CRK: variants seen among roughly 807,000 people sequenced by gnomAD.
CRK encodes the protein adapter molecule crk.
A neutral mutation model predicts 29.8 loss-of-function variants in CRK; 4 were observed. The ratio of observed to expected loss-of-function variants is 0.13; its 90% CI spans 0.07 to 0.31. The LOEUF is 0.31. CRK is among the 10% of genes least tolerant of loss of function. The pLI is 1.00. For missense variants in CRK, 274 were observed against 396.5 expected (o/e 0.69, Z 2.62); for synonymous variants, 153 against 164.9 (o/e 0.93, Z 0.55).
intron 1 of CRK, among the ~76,000 whole-genome samples, chr17:1,442,606 C>CT (rs33970272): frequency 0.01 from 1,224 of 121,100 alleles, 67 homozygotes; most frequent in East Asian, 0.049. Flanking sequence ...GTGAAAGGGT[C>CT]TTTTTTTTTT....
At position 1,428,295 on chromosome 17, in the gene CRK, T is replaced by C. The variant is rs142863272; in HGVS notation, c.778-4645A>G. ...CACCACGCCCAGCTGATTTTTGTAT[T>C]TTTAGTAGAGATGGGGTTTCACCAT... is the stretch of plus-strand genomic sequence containing the variant. On this transcript the variant is annotated intron_variant, in intron 2 of 2. Coordinates refer to ENST00000300574, the MANE Select transcript of CRK (RefSeq NM_016823.4). 2.7e-5 allele frequency among the ~76,000 whole-genome samples: 4 copies of C among 150,638 alleles called. No homozygotes were observed. In the East Asian group the frequency reaches 7.9e-4, roughly 30 times the overall value.
chr17:1,438,040 G>A (rs1391948475), intron 1 of CRK, among the ~76,000 whole-genome samples: 11 of 152,098 alleles, frequency 7.2e-5, no homozygotes, highest in Admixed American at 3.9e-4. Flanking sequence ...TTCAGAAGGT[G>A]GAGAGAGCTT....
Position 1,434,464 on chromosome 17 carries a change from T to C in CRK, c.777+2156A>G, listed in dbSNP as rs559628908. Among the ~76,000 whole-genome samples, 11 of 152,214 alleles carry C rather than the reference T, an allele frequency of 7.2e-5. No homozygotes were observed. In the East Asian group the frequency reaches 2.1e-3, roughly 29 times the overall value. On this transcript the variant is annotated intron_variant, in intron 2 of 2. Transcript: ENST00000300574. ...ATGAGCGGTGACCACACATAGTACATATGTTTTAGCTCAACATAAAGACAT... is the reference window on the plus strand; with the variant it reads ...ATGAGCGGTGACCACACATAGTACACATGTTTTAGCTCAACATAAAGACAT...
rs373026184 is a variant in CRK, at chr17:1,447,435, T to G, written c.241+8442A>C. Among the ~76,000 whole-genome samples the G allele has an allele frequency of 2.0e-5, 3 of 152,154 alleles. No individual in the cohort carries two copies. In the East Asian group the frequency reaches 5.8e-4, roughly 29 times the overall value. On this transcript the variant is annotated intron_variant, in intron 1 of 2. Transcript: ENST00000300574. ...CTGCTCAGCCCGTTACTTCTAAGCC[T>G]TCCAAGCATTTCAAGCCTCAGGTTA...
chr17:1,454,063 G>A (rs545584201), intron 1 of CRK, among the ~76,000 whole-genome samples: 1 of 151,892 alleles, frequency 6.6e-6, no homozygotes, highest in Non-Finnish European at 1.5e-5. Flanking sequence ...TTAGCTGGGC[G>A]TGGTGGTGAT....
At chr17:1,448,353 G>C (rs929970861) in intron 1 of CRK, among the ~76,000 whole-genome samples, 1 of 152,066 alleles carries the variant, frequency 6.6e-6, no homozygotes, top group African/African-American at 2.4e-5. Flanking sequence ...GGCTGGGCGT[G>C]GGGGTTCACG....
In CRK at chr17:1,422,884, A is replaced by T; in HGVS notation, c.*629T>A. 1 of 398,886 alleles carries T rather than the reference A, an allele frequency of 2.5e-6. No individual in the cohort carries two copies. The highest frequency in any genetic ancestry group is 4.4e-6 in the Non-Finnish European group (1 of 226,112). The allele number at this position is 398,886 out of a possible 1,614,324, so 24.7% of individuals were successfully genotyped here. On this transcript the variant is annotated 3_prime_UTR_variant, in exon 3 of 3. Coordinates refer to ENST00000300574, the MANE Select transcript of CRK (RefSeq NM_016823.4). ...ACTTATCTTAGGAATTCACCTACTT[A>T]CAGGTTTGGGGGACAAGAATGTCAA... is the stretch of plus-strand genomic sequence containing the variant.
chr17:1,443,042 G>A (rs1042609191), intron 1 of CRK, among the ~76,000 whole-genome samples: 1 of 149,964 alleles, frequency 6.7e-6, no homozygotes, highest in Admixed American at 6.7e-5. Flanking sequence ...GCAGTGGTGC[G>A]ATCCTGGCTC....
chr17:1,427,345 G>C (rs969289507), intron 2 of CRK, among the ~76,000 whole-genome samples: 8 of 151,390 alleles, frequency 5.3e-5, no homozygotes, highest in Non-Finnish European at 1.2e-4. Flanking sequence ...TGTAATCCCA[G>C]CACTTTGGGA....
At chr17:1,450,149 G>A (rs2074005979) in intron 1 of CRK, among the ~76,000 whole-genome samples, 1 of 152,122 alleles carries the variant, frequency 6.6e-6, no homozygotes, top group Admixed American at 6.6e-5. Context: ...AGGTTGCAGT[G>A]AGCTGAGATC....
At chr17:1,455,823 G>C (rs2074051846) in intron 1 of CRK, 54 bp downstream of exon 1, 1 of 1,440,770 alleles carries the variant, frequency 6.9e-7, no homozygotes, top group Non-Finnish European at 9.1e-7. Context: ...AGCCAGGCTG[G>C]GAGTTCCGCG....
chr17:1,450,132 G>C (rs1456372289), intron 1 of CRK, among the ~76,000 whole-genome samples: 1 of 152,152 alleles, frequency 6.6e-6, no homozygotes. Flanking sequence ...CTTGACCCGG[G>C]AGGGGGAGGT....
chr17:1,449,242 T>C (rs1230898795), intron 1 of CRK, among the ~76,000 whole-genome samples: 1 of 152,022 alleles, frequency 6.6e-6, no homozygotes, highest in Non-Finnish European at 1.5e-5. Context: ...GGACCCGAGG[T>C]CCTTTCACAC....
At chr17:1,434,572 C>A (rs569749766) in intron 2 of CRK, among the ~76,000 whole-genome samples, 7 of 152,224 alleles carry the variant, frequency 4.6e-5, no homozygotes, top group African/African-American at 1.7e-4. Flanking sequence ...CACCTGAGGT[C>A]AGGAGTTTGA....
At chr17:1,436,540 G>A in intron 2 of CRK, 80 bp downstream of exon 2, 1 of 1,436,030 alleles carries the variant, frequency 7.0e-7, no homozygotes, top group South Asian at 1.4e-5. Flanking sequence ...GCTGTAGTCA[G>A]CATTGCTACA....
At chr17:1,447,902 C>T (rs2073987316) in intron 1 of CRK, among the ~76,000 whole-genome samples, 1 of 152,160 alleles carries the variant, frequency 6.6e-6, no homozygotes, top group Non-Finnish European at 1.5e-5. Context: ...CAGGCGCGAG[C>T]CACCACACCC....
intron 2 of CRK, among the ~76,000 whole-genome samples, chr17:1,428,005 G>C (rs978710747): frequency 6.6e-6 from 1 of 151,896 alleles, no homozygotes; most frequent in Non-Finnish European, 1.5e-5. Context: ...AGAGGTGAAG[G>C]GTAGGTTGAA....
At position 1,437,153 on chromosome 17, in the gene CRK, C is replaced by T. The variant is rs897014160; in HGVS notation, c.244G>A (p.Val82Met). Residue 82 changes from valine (V) to methionine (M), a missense_variant and splice_region_variant, in exon 2 of 3, where the codon GTG becomes ATG. Transcript: ENST00000300574. ...CCTATTCGGAGTCTGGAGGGGCTCA[C>T]CCCTGGAAAAAACAGAGCAGGCTGT... The part of the protein sequence containing the change: ...PPSPAQPPPG[V>M]SPSRLRIGDQ... 51 of 1,587,882 alleles carry T rather than the reference C, an allele frequency of 3.2e-5. No individual in the cohort carries two copies. Among genetic ancestry groups the T allele is most frequent in the Non-Finnish European group, 4.4e-5 (51 of 1,167,500 alleles).
At chr17:1,447,376 G>A (rs906153071) in intron 1 of CRK, among the ~76,000 whole-genome samples, 2 of 151,718 alleles carry the variant, frequency 1.3e-5, no homozygotes, top group Non-Finnish European at 2.9e-5. Context: ...CAAAATCAAT[G>A]CAAGGAGAGG....
Sources: gnomAD v4.1 joint callset for allele counts (sites outside exome capture counted in the v4.1 genomes callset) on GRCh38, gnomAD v4.1.1 for gene constraint, MANE v1.5 for transcripts, NCBI Gene and HGNC (gene_info 2026-07-23, HGNC 2026-07-21) for gene names.